Variants in PLS1 observed in about 807,000 individuals in gnomAD.
PLS1 encodes plastin-1.
A neutral mutation model predicts 73.7 loss-of-function variants in PLS1; 32 were observed. That is an observed-to-expected ratio of 0.43 (90% confidence interval 0.33 to 0.58). The LOEUF (loss-of-function observed/expected upper bound fraction) is 0.58. Among genes scored for constraint, PLS1 ranks in the 20% least tolerant of loss-of-function variants. PLS1 has a pLI of 0.04. For synonymous variants in PLS1, 217 were observed against 261.3 expected (o/e 0.83, Z 1.63); for missense variants, 633 against 740.5 (o/e 0.85, Z 1.68).
intron 1 of PLS1, 198 bp from the exon 2 acceptor site, chr3:142,664,003 TC>T (rs2037426168): frequency 3.5e-6 from 1 of 283,036 alleles, no homozygotes; most frequent in African/African-American, 2.2e-5. Flanking sequence ...AGGTGTTTCT[TC>T]CCCTTACTGA....
At chr3:142,697,100 A>G (rs2038226672) in intron 11 of PLS1, among the ~76,000 whole-genome samples, 2 of 152,224 alleles carry the variant, frequency 1.3e-5, no homozygotes, top group Admixed American at 6.5e-5. Context: ...TTAAAAAATC[A>G]ATTGCTATTG....
In PLS1 at chr3:142,598,030, C is replaced by T. The variant is rs569210533; in HGVS notation, c.-37+1521C>T. Among the ~76,000 whole-genome samples, 24 of 152,274 alleles carry T rather than the reference C, an allele frequency of 1.6e-4. No homozygotes were observed. The South Asian group carries it at 3.9e-3, about 25-fold the overall frequency. On this transcript the variant is annotated intron_variant, in intron 1 of 15. Coordinates refer to ENST00000457734, the MANE Select transcript of PLS1 (RefSeq NM_001145319.2). Reference sequence around the variant, plus strand: ...AAATGCCTGTTTGCCTCCCTCTTTCCGTATTGAAGTCCTGCTCATGCTGCA... The same window carrying T: ...AAATGCCTGTTTGCCTCCCTCTTTCTGTATTGAAGTCCTGCTCATGCTGCA...
chr3:142,673,046 T>C (rs1483781774), intron 4 of PLS1, among the ~76,000 whole-genome samples: 1 of 152,240 alleles, frequency 6.6e-6, no homozygotes, highest in Non-Finnish European at 1.5e-5. Flanking sequence ...GACAGGCTTC[T>C]TCACTGGTGT....
intron 8 of PLS1, among the ~76,000 whole-genome samples, chr3:142,685,189 G>T (rs957224084): frequency 6.6e-6 from 1 of 152,064 alleles, no homozygotes; most frequent in Admixed American, 6.6e-5. Context: ...TGTTATATTT[G>T]AAAGTTTATT....
Position 142,616,601 on chromosome 3 carries a change from A to AATT in PLS1, c.-37+20111_-37+20113dup, listed in dbSNP as rs1191933836. Among the ~76,000 whole-genome samples the AATT allele has an allele frequency of 1.1e-3, 163 of 151,352 alleles. 2 individuals are homozygous for AATT. The highest frequency in any genetic ancestry group is 3.5e-3 in the African/African-American group (144 of 41,302). ...AATTGTGTGTGTTGTTTAGTGACAC[A>AATT]ATTATTATTATTATTATTATTGATG... On this transcript the variant is annotated intron_variant, in intron 1 of 15. Coordinates refer to ENST00000457734, the MANE Select transcript of PLS1 (RefSeq NM_001145319.2).
chr3:142,665,043 G>C (rs746577953), intron 2 of PLS1, among the ~76,000 whole-genome samples: 7 of 151,340 alleles, frequency 4.6e-5, no homozygotes, highest in Non-Finnish European at 7.4e-5. Flanking sequence ...TGAGCACAGT[G>C]AATAGACATT....
At chr3:142,706,338 T>G (rs1476037237) in intron 14 of PLS1, among the ~76,000 whole-genome samples, 1 of 152,110 alleles carries the variant, frequency 6.6e-6, no homozygotes, top group Non-Finnish European at 1.5e-5. Context: ...AATTGAATGG[T>G]CAGTGAAGAG....
At chr3:142,613,507 A>G (rs1448471999) in intron 1 of PLS1, among the ~76,000 whole-genome samples, 3 of 152,146 alleles carry the variant, frequency 2.0e-5, no homozygotes, top group Admixed American at 6.5e-5. Context: ...AACTTAAAAA[A>G]AGAAAAGAAA....
At chr3:142,651,232 G>C (rs2037080958) in intron 1 of PLS1, among the ~76,000 whole-genome samples, 1 of 151,978 alleles carries the variant, frequency 6.6e-6, no homozygotes, top group African/African-American at 2.4e-5. Context: ...GCCCGAGGCA[G>C]GTGGATCACC....
At chr3:142,611,722 T>G (rs1009466628) in intron 1 of PLS1, among the ~76,000 whole-genome samples, 1 of 152,218 alleles carries the variant, frequency 6.6e-6, no homozygotes, top group Non-Finnish European at 1.5e-5. Context: ...CACACACATA[T>G]TGCTTTTGAG....
rs950120528 is a variant in PLS1 at position 142,704,541 on chromosome 3, G to T, written c.1584G>T (p.Gln528His). The change falls in exon 14 of 16, where the codon CAG becomes CAT. Residue 528 changes from glutamine (Q) to histidine (H), a missense_variant. By Grantham distance (24) the Gln-to-His change is conservative. Coordinates refer to ENST00000457734, the MANE Select transcript of PLS1 (RefSeq NM_001145319.2). ...NDEIIIKWVN[Q>H]TLKSANKKTS... ...AAATTATAATTAAATGGGTCAATCAGACTCTTAAAAGTGCAAACAAAAAGA... is the reference window on the plus strand; with the variant it reads ...AAATTATAATTAAATGGGTCAATCATACTCTTAAAAGTGCAAACAAAAAGA... 1.9e-6 allele frequency: 3 copies of T among 1,583,652 alleles called. No homozygotes were observed. The East Asian group carries it at 7.0e-5, about 37-fold the overall frequency.
At chr3:142,675,923 G>A (rs531780200) in intron 4 of PLS1, among the ~76,000 whole-genome samples, 3 of 149,054 alleles carry the variant, frequency 2.0e-5, no homozygotes, top group Admixed American at 6.7e-5. Flanking sequence ...TGATCAGCCC[G>A]CCTTGGAAGT....
At chr3:142,655,549 C>T (rs1451563035) in intron 1 of PLS1, among the ~76,000 whole-genome samples, 5 of 151,700 alleles carry the variant, frequency 3.3e-5, no homozygotes, top group Admixed American at 1.3e-4. Context: ...AGTGAAACTC[C>T]GTCTCTACTA....
At chr3:142,602,746 G>T (rs2108535054) in intron 1 of PLS1, among the ~76,000 whole-genome samples, 1 of 152,228 alleles carries the variant, frequency 6.6e-6, no homozygotes, top group South Asian at 2.1e-4. Context: ...CTCCCTTGCT[G>T]CCTGAGCTCT....
chr3:142,600,910 A>ATTTTTT (rs1560024540), intron 1 of PLS1, among the ~76,000 whole-genome samples: 1 of 24,432 alleles, frequency 4.1e-5, no homozygotes, highest in Non-Finnish European at 6.2e-5. Flanking sequence ...ATATATATAT[A>ATTTTTT]TATATATTTT....
chr3:142,604,126 G>A (rs1008308166), intron 1 of PLS1, among the ~76,000 whole-genome samples: 1 of 152,124 alleles, frequency 6.6e-6, no homozygotes, highest in African/African-American at 2.4e-5. Context: ...AGAAATAAGA[G>A]ATTTTAGCAG....
intron 1 of PLS1, among the ~76,000 whole-genome samples, chr3:142,638,335 C>T (rs76144979): frequency 0.029 from 4,471 of 152,228 alleles, 200 homozygotes; most frequent in African/African-American, 0.1. Context: ...GGATCTGCCA[C>T]GTTTCAAAGC....
intron 1 of PLS1, among the ~76,000 whole-genome samples, chr3:142,608,273 G>A (rs1411490782): frequency 6.6e-6 from 1 of 152,192 alleles, no homozygotes. Context: ...TTCGGTAGTG[G>A]AGTTTATCTT....
At chr3:142,695,682 T>G (rs537607209) in intron 11 of PLS1, among the ~76,000 whole-genome samples, 12 of 152,314 alleles carry the variant, frequency 7.9e-5, no homozygotes, top group Non-Finnish European at 1.3e-4. Context: ...TATTCGAATT[T>G]TAAAAGAAAA....
Sources: gnomAD v4.1 joint callset for allele counts (sites outside exome capture counted in the v4.1 genomes callset) on GRCh38, gnomAD v4.1.1 for gene constraint, MANE v1.5 for transcripts, NCBI Gene and HGNC (gene_info 2026-07-23, HGNC 2026-07-21) for gene names.